Variants in CTNNA3 observed in about 807,000 individuals in gnomAD.
CTNNA3 encodes catenin alpha 3, also known as catenin alpha-3.
CTNNA3 carries 76 observed loss-of-function variants against 95.7 expected under a neutral mutation model. The ratio of observed to expected loss-of-function variants is 0.79; its 90% confidence interval spans 0.66 to 0.96. The LOEUF (loss-of-function observed/expected upper bound fraction) is 0.96. Among genes scored for constraint, CTNNA3 ranks in the 40% least tolerant of loss-of-function variants. CTNNA3 has a pLI of 0.00. For synonymous variants in CTNNA3, 431 were observed against 374.4 expected, an observed-to-expected ratio of 1.15 and a Z score of -1.74; for missense variants, 1,191 against 1,089.8, an observed-to-expected ratio of 1.09 and a Z score of -1.31.
chr10:66,605,665 T>C (rs1012457164), intron 10 of CTNNA3, among the ~76,000 whole-genome samples: 3 of 152,098 alleles, frequency 2.0e-5, no homozygotes, highest in South Asian at 2.1e-4. Context: ...GACATTCTTA[T>C]AGAAAGGAAA....
intron 5 of CTNNA3, among the ~76,000 whole-genome samples, chr10:67,275,114 G>A (rs1839138045): frequency 6.6e-6 from 1 of 152,056 alleles, no homozygotes; most frequent in African/African-American, 2.4e-5. Context: ...TAGTAGCAAC[G>A]CATATGGTCC....
intron 10 of CTNNA3, among the ~76,000 whole-genome samples, chr10:66,617,974 G>C (rs1844586941): frequency 6.6e-6 from 1 of 151,522 alleles, no homozygotes. Flanking sequence ...GCTTCAAAGA[G>C]AATAAAATAA....
chr10:66,723,747 T>A (rs777279750), intron 9 of CTNNA3, among the ~76,000 whole-genome samples: 8 of 152,078 alleles, frequency 5.3e-5, no homozygotes, highest in Non-Finnish European at 7.4e-5. Flanking sequence ...GTTTCAAGGG[T>A]CTTCACTCCT....
chr10:67,378,983 G>A (rs1326000012), intron 5 of CTNNA3, among the ~76,000 whole-genome samples: 2 of 152,016 alleles, frequency 1.3e-5, no homozygotes, highest in Non-Finnish European at 2.9e-5. Context: ...TTCAATTGTC[G>A]TTTGTCTACA....
At chr10:66,252,030 C>G (rs924020661) in intron 13 of CTNNA3, among the ~76,000 whole-genome samples, 2 of 152,140 alleles carry the variant, frequency 1.3e-5, no homozygotes, top group Non-Finnish European at 2.9e-5. Flanking sequence ...TGAAAACCAT[C>G]AATTTAATCT....
intron 1 of CTNNA3, among the ~76,000 whole-genome samples, chr10:67,673,762 C>T (rs1417725073): frequency 7.1e-6 from 1 of 140,938 alleles, no homozygotes; most frequent in African/African-American, 2.6e-5. Flanking sequence ...ATTTTTATCA[C>T]ATAACAAGAA....
chr10:67,444,815 T>G (rs186795859), intron 5 of CTNNA3, among the ~76,000 whole-genome samples: 11 of 152,074 alleles, frequency 7.2e-5, no homozygotes, highest in Admixed American at 7.2e-4. Context: ...GAAAAATTCC[T>G]AGACACATAC....
intron 5 of CTNNA3, among the ~76,000 whole-genome samples, chr10:67,466,760 C>T (rs1847609794): frequency 6.6e-6 from 1 of 152,168 alleles, no homozygotes; most frequent in Non-Finnish European, 1.5e-5. Context: ...TTGTTTCTTA[C>T]ATATGACAAA....
chr10:66,151,088 T>G (rs2084175587), intron 13 of CTNNA3, among the ~76,000 whole-genome samples: 1 of 152,058 alleles, frequency 6.6e-6, no homozygotes, highest in Non-Finnish European at 1.5e-5. Flanking sequence ...ATATGTTTTA[T>G]TCCTTCATAA....
chr10:66,864,794 A>T (rs1487029964), intron 7 of CTNNA3, among the ~76,000 whole-genome samples: 1 of 152,160 alleles, frequency 6.6e-6, no homozygotes, highest in Non-Finnish European at 1.5e-5. Flanking sequence ...TATTTTATGT[A>T]GACTTAGATA....
rs143556763 is a variant in CTNNA3, at chr10:66,081,399, G to A, written c.1978-11910C>T. 8.8e-3 allele frequency among the ~76,000 whole-genome samples: 1,335 copies of A among 152,212 alleles called. 12 individuals are homozygous for A. Among genetic ancestry groups the A allele is most frequent in the Non-Finnish European group, 0.013 (872 of 68,012 alleles). On this transcript the variant is annotated intron_variant, in intron 14 of 17. Transcript: ENST00000433211. ...GGCTAAGGCAGGGGGACTGCTTGAAGCCAGGAGTTCAAGACCAGACTGGCC... is the reference window on the plus strand; with the variant it reads ...GGCTAAGGCAGGGGGACTGCTTGAAACCAGGAGTTCAAGACCAGACTGGCC...
At position 66,000,162 on chromosome 10, in the gene CTNNA3, C is replaced by T. The variant is rs2078742706; in HGVS notation, c.2160-11365G>A. Among the ~76,000 whole-genome samples the T allele has an allele frequency of 3.3e-5, 5 of 152,060 alleles. 1 individual carries two copies. The South Asian group carries it at 1.0e-3, about 32-fold the overall frequency. On this transcript the variant is annotated intron_variant, in intron 15 of 17. Transcript: ENST00000433211. Reference sequence around the variant, plus strand: ...CTATAATAACCCAGTGATGGTAATACCATGGACATTTTATTCAGATAAGTG... The same window carrying T: ...CTATAATAACCCAGTGATGGTAATATCATGGACATTTTATTCAGATAAGTG...
At chr10:67,307,173 GA>G (rs928464995) in intron 5 of CTNNA3, among the ~76,000 whole-genome samples, 20 of 151,984 alleles carry the variant, frequency 1.3e-4, no homozygotes, top group African/African-American at 3.6e-4. Context: ...GGAAAGTATG[GA>G]AAAAAATATC....
intron 10 of CTNNA3, among the ~76,000 whole-genome samples, chr10:66,574,183 C>T (rs750624918): frequency 7.9e-5 from 12 of 151,764 alleles, no homozygotes; most frequent in Non-Finnish European, 1.0e-4. Flanking sequence ...TCAGAAATGC[C>T]GTCATAATAG....
rs2092653622 is a variant in CTNNA3 at position 66,360,665 on chromosome 10, TC to T, written c.1732+18486del. Reference sequence around the variant, plus strand: ...TTTCTTTCTTTCTTTCTTTCTTCCTTCCTTCCTTCCTTCCTTCCTTCCTTCC... The same window carrying T: ...TTTCTTTCTTTCTTTCTTTCTTCCTTCTTCCTTCCTTCCTTCCTTCCTTCC... On this transcript the variant is annotated intron_variant, in intron 12 of 17. Transcript: ENST00000433211. 7.1e-5 allele frequency among the ~76,000 whole-genome samples: 4 copies of T among 56,548 alleles called. 1 individual carries two copies. The highest frequency in any genetic ancestry group is 6.0e-4 in the Admixed American group (3 of 4,962). 37.1% of individuals were successfully genotyped at this position (56,548 alleles called of 152,430 possible).
rs777187168 is a variant in CTNNA3 at position 66,360,814 on chromosome 10, TTCCTTTCTTTCTTTC to T, written c.1732+18323_1732+18337del. ...CTTCCTTCCTTCCTTCCTTCCTTCC[TTCCTTTCTTTCTTTC>T]TTTCTTTCTTTCTTTCTTTCTTTCT... On this transcript the variant is annotated intron_variant, in intron 12 of 17. Transcript: ENST00000433211. 1.6e-3 allele frequency among the ~76,000 whole-genome samples: 112 copies of T among 71,226 alleles called. 6 individuals carry two copies. The South Asian group carries it at 0.049, about 31-fold the overall frequency. 46.7% of individuals were successfully genotyped at this position (71,226 alleles called of 152,430 possible). A position where few individuals can be genotyped will look rare whatever the true frequency, so the allele number is the denominator to read the frequency against.
chr10:67,187,226 T>A (rs1402498618), intron 6 of CTNNA3, among the ~76,000 whole-genome samples: 1 of 152,204 alleles, frequency 6.6e-6, no homozygotes, highest in Non-Finnish European at 1.5e-5. Context: ...GCTTTTGTTA[T>A]CTTATTTAAC....
intron 8 of CTNNA3, 77 bp from the exon 9 acceptor site, chr10:66,766,493 T>C: frequency 1.6e-6 from 2 of 1,275,126 alleles, no homozygotes; most frequent in Non-Finnish European, 2.2e-6. Context: ...ACAATCTCAG[T>C]AGTTACACAA....
chr10:67,361,957 A>C (rs1162210583), intron 5 of CTNNA3, among the ~76,000 whole-genome samples: 2 of 152,128 alleles, frequency 1.3e-5, no homozygotes, highest in Admixed American at 1.3e-4. Flanking sequence ...ATTTCATAGA[A>C]ATACAAAAGA....
Sources: allele counts gnomAD v4.1 joint callset (sites outside exome capture counted in the v4.1 genomes callset), GRCh38; gene constraint gnomAD v4.1.1; transcripts MANE v1.5; gene names NCBI Gene and HGNC (gene_info 2026-07-23, HGNC 2026-07-21).